Variants in MTTP observed in about 807,000 individuals in gnomAD.
MTTP encodes microsomal triglyceride transfer protein, also known as microsomal triglyceride transfer protein large subunit.
A neutral mutation model predicts 90.6 loss-of-function variants in MTTP; 49 were observed. The observed-to-expected ratio is 0.54, with a 90% confidence interval of 0.43 to 0.69. MTTP has a LOEUF of 0.69. MTTP is among the 30% of genes least tolerant of loss of function. The pLI is 0.00. For synonymous variants in MTTP, 347 were observed against 384.2 expected (o/e 0.90, Z 1.13); for missense variants, 945 against 1,067.5 (o/e 0.89, Z 1.60).
At chr4:99,583,273 G>A in intron 2 of MTTP, 101 bp from the exon 3 acceptor site, 1 of 1,296,696 alleles carries the variant, frequency 7.7e-7, no homozygotes, top group Non-Finnish European at 1.1e-6. Context: ...AAGAAATTGT[G>A]GCCAACTCTT....
chr4:99,577,641 G>T (rs958405544), intron 1 of MTTP, among the ~76,000 whole-genome samples: 1 of 149,872 alleles, frequency 6.7e-6, no homozygotes, highest in Non-Finnish European at 1.5e-5. Flanking sequence ...AGAAAGAAAG[G>T]AAGGAAGAAA....
chr4:99,581,924 A>T lies in MTTP; in HGVS notation c.81A>T (p.Ser27=). The change falls in exon 2 of 18, where the codon TCA becomes TCT. Residue 27 remains serine (S), a synonymous_variant. Coordinates refer to ENST00000265517, the MANE Select transcript of MTTP (RefSeq NM_001386140.1). ...ATGCAGGTCACACAACTGGTCTCTC[A>T]TTAAATAATGACCGGCTGTACAAGC... ...ASVKGHTTGL[S]LNNDRLYKLT... 6.2e-7 allele frequency: 1 copy of T among 1,614,146 alleles called. No individual in the cohort carries two copies. The highest frequency in any genetic ancestry group is 1.3e-5 in the African/African-American group (1 of 75,050).
At chr4:99,608,668 T>C in intron 11 of MTTP, 98 bp from the exon 12 acceptor site, 1 of 946,788 alleles carries the variant, frequency 1.1e-6, no homozygotes, top group Non-Finnish European at 1.7e-6. Flanking sequence ...TAGTAACACA[T>C]GTATATTTTT....
At position 99,610,819 on chromosome 4, in the gene MTTP, T is replaced by G. The variant is rs1725931181; in HGVS notation, c.1770-324T>G. On this transcript the variant is annotated intron_variant, in intron 12 of 17. Transcript: ENST00000265517. ...ACAATTTTCCTTTAAGTGTATGCAC[T>G]ATTAAACAATAAAACCATGACGAAT... Among the ~76,000 whole-genome samples the G allele has an allele frequency of 2.0e-5, 3 of 152,350 alleles. No homozygotes were observed. In the South Asian group the frequency reaches 6.2e-4, roughly 32 times the overall value.
chr4:99,576,229 A>G (rs1724953642), intron 1 of MTTP, among the ~76,000 whole-genome samples: 1 of 152,240 alleles, frequency 6.6e-6, no homozygotes, highest in African/African-American at 2.4e-5. Context: ...TCATCTGCCA[A>G]ATAAACTGTT....
At chr4:99,616,304 G>C (rs1479065739) in intron 15 of MTTP, among the ~76,000 whole-genome samples, 1 of 152,172 alleles carries the variant, frequency 6.6e-6, no homozygotes, top group African/African-American at 2.4e-5. Flanking sequence ...TGAGGTGGGG[G>C]TGAGAGGATT....
At position 99,611,416 on chromosome 4, in the gene MTTP, T is replaced by C. The variant is rs747098722; in HGVS notation, c.1952T>C (p.Phe651Ser). 3 of 1,614,096 alleles carry C rather than the reference T, an allele frequency of 1.9e-6. No homozygotes were observed. Among genetic ancestry groups the C allele is most frequent in the Non-Finnish European group, 1.7e-6 (2 of 1,179,968 alleles). The change falls in exon 14 of 18, where the codon TTT becomes TCT. Residue 651 changes from phenylalanine (F) to serine (S), a missense_variant. Physicochemically the swap from Phe to Ser is radical, Grantham distance 155. Transcript: ENST00000265517. ...CTAAGGAGAAGTAACCTGAACATCT[T>C]TCAGTACATTGGGAAGGCTGGTCTT... The part of the protein sequence containing the change: ...GILRRSNLNI[F>S]QYIGKAGLHG...
chr4:99,594,606 G>A (rs547483396), intron 6 of MTTP, 127 bp from the exon 7 acceptor site: 1 of 1,070,012 alleles, frequency 9.3e-7, no homozygotes, highest in East Asian at 2.5e-5. Context: ...AGATATCACA[G>A]TTTGAAAGAC....
rs1333005576 is a variant in MTTP, at chr4:99,606,732, G to T, written c.1345-16G>T. 4 of 1,605,536 alleles carry T rather than the reference G, an allele frequency of 2.5e-6. No homozygotes were observed. The highest frequency in any genetic ancestry group is 1.7e-5 in the Admixed American group (1 of 59,990). On this transcript the variant is annotated splice_polypyrimidine_tract_variant and intron_variant, in intron 10 of 17. Coordinates refer to ENST00000265517, the MANE Select transcript of MTTP (RefSeq NM_001386140.1). The stretch of plus-strand genomic sequence containing the variant: ...ATGTATGGTCATGCATATATCTAAG[G>T]TATATGATTTTTCAGGCAGTAGTGG...
rs1725700186 is a variant in MTTP, at chr4:99,601,608, G to A, written c.1238G>A (p.Ser413Asn). ...ATTTTATCCCTGTTTGGTTAATAGA[G>A]TAAGTTCAAAGGTTCTATTGGTAGC... ...PNEELLRALI[S>N]KFKGSIGSSD... Residue 413 changes from serine to asparagine, a missense_variant and splice_region_variant, in exon 10 of 18, where the codon AGT (serine) becomes AAT (asparagine). Coordinates refer to ENST00000265517, the MANE Select transcript of MTTP (RefSeq NM_001386140.1). 1 of 1,605,418 alleles carries A rather than the reference G, an allele frequency of 6.2e-7. No homozygotes were observed. The highest frequency in any genetic ancestry group is 8.5e-7 in the Non-Finnish European group (1 of 1,172,466).
intron 15 of MTTP, 109 bp from the exon 16 acceptor site, chr4:99,618,865 A>G: frequency 7.0e-7 from 1 of 1,433,522 alleles, no homozygotes; most frequent in African/African-American, 1.4e-5. Flanking sequence ...ACATCAACAC[A>G]ACTCAAATGG....
At chr4:99,621,030 C>A in intron 16 of MTTP, 31 bp from the exon 17 acceptor site, 1 of 1,603,028 alleles carries the variant, frequency 6.2e-7, no homozygotes, top group Non-Finnish European at 8.5e-7. Flanking sequence ...ATAATATGAA[C>A]AAGTTTTTTC....
At chr4:99,622,281 A>C (rs1471217454) in intron 17 of MTTP, among the ~76,000 whole-genome samples, 1 of 152,126 alleles carries the variant, frequency 6.6e-6, no homozygotes, top group African/African-American at 2.4e-5. Flanking sequence ...AGCTCTTAGA[A>C]TGTTTCTCTG....
intron 4 of MTTP, 131 bp from the exon 5 acceptor site, chr4:99,591,104 T>C (rs1261902923): frequency 4.1e-6 from 3 of 726,044 alleles, no homozygotes; most frequent in East Asian, 2.5e-5. Flanking sequence ...TGTCTTTGTA[T>C]CTTATCATCC....
At chr4:99,599,991 G>A (rs1725655457) in intron 8 of MTTP, among the ~76,000 whole-genome samples, 2 of 152,088 alleles carry the variant, frequency 1.3e-5, no homozygotes, top group South Asian at 2.1e-4. Context: ...GAGTTTTCCT[G>A]TAGGGGTTCC....
intron 17 of MTTP, among the ~76,000 whole-genome samples, chr4:99,621,800 G>T (rs1726239775): frequency 6.6e-6 from 1 of 152,134 alleles, no homozygotes; most frequent in African/African-American, 2.4e-5. Flanking sequence ...TAATTTCCAT[G>T]TAACATTTGT....
At chr4:99,586,139 C>G (rs2110214307) in intron 3 of MTTP, among the ~76,000 whole-genome samples, 1 of 152,208 alleles carries the variant, frequency 6.6e-6, no homozygotes, top group African/African-American at 2.4e-5. Context: ...ATCTGAGGCT[C>G]TCATATTTAC....
At chr4:99,611,796 T>C (rs1484416783) in intron 14 of MTTP, among the ~76,000 whole-genome samples, 1 of 152,220 alleles carries the variant, frequency 6.6e-6, no homozygotes, top group Non-Finnish European at 1.5e-5. Flanking sequence ...CACAGATATA[T>C]TTCTTAGCCT....
intron 1 of MTTP, among the ~76,000 whole-genome samples, chr4:99,566,465 C>A (rs967812021): frequency 1.4e-4 from 21 of 152,132 alleles, no homozygotes; most frequent in African/African-American, 5.1e-4. Context: ...AGAGATACTA[C>A]TCCATGGGTT....
Sources: allele counts gnomAD v4.1 joint callset (sites outside exome capture counted in the v4.1 genomes callset), GRCh38; gene constraint gnomAD v4.1.1; transcripts MANE v1.5; gene names NCBI Gene and HGNC (gene_info 2026-07-23, HGNC 2026-07-21).